Variants in NEDD4L observed in about 807,000 individuals in gnomAD.
The protein encoded by NEDD4L is NEDD4 like E3 ubiquitin protein ligase.
In NEDD4L, 54 loss-of-function variants were observed where a neutral mutation model predicts 148.9. That is an observed-to-expected ratio of 0.36 (90% CI 0.29 to 0.45). The LOEUF (loss-of-function observed/expected upper bound fraction) is 0.45. Among genes scored for constraint, NEDD4L ranks in the 20% least tolerant of loss-of-function variants. The pLI is 1.00. For missense variants in NEDD4L, 856 were observed against 1,233.8 expected, an observed-to-expected ratio of 0.69 and a Z score of 4.59; for synonymous variants, 433 against 440.7, an observed-to-expected ratio of 0.98 and a Z score of 0.22.
intron 2 of NEDD4L, among the ~76,000 whole-genome samples, chr18:58,236,098 T>G (rs1600081083): frequency 6.6e-6 from 1 of 152,226 alleles, no homozygotes; most frequent in Admixed American, 6.5e-5. Flanking sequence ...GGCTCCCGCC[T>G]GTAATCCCAG....
intron 5 of NEDD4L, among the ~76,000 whole-genome samples, chr18:58,287,690 G>A (rs2054136697): frequency 6.6e-6 from 1 of 152,046 alleles, no homozygotes; most frequent in Non-Finnish European, 1.5e-5. Flanking sequence ...GCTTCCTTAT[G>A]TATCGTATTT....
chr18:58,122,096 C>T (rs1474644491), intron 1 of NEDD4L, among the ~76,000 whole-genome samples: 1 of 152,208 alleles, frequency 6.6e-6, no homozygotes, highest in East Asian at 1.9e-4. Flanking sequence ...CTAGTGGTAG[C>T]CCTTTGGCTT....
chr18:58,132,670 G>A (rs191159520), intron 1 of NEDD4L, among the ~76,000 whole-genome samples: 183 of 152,292 alleles, frequency 1.2e-3, no homozygotes, highest in African/African-American at 3.9e-3. Context: ...AAATGGTAGG[G>A]GCTCAAGCCA....
chr18:58,324,061 G>A (rs140442808), intron 8 of NEDD4L, among the ~76,000 whole-genome samples: 17 of 152,258 alleles, frequency 1.1e-4, no homozygotes, highest in African/African-American at 2.4e-4. Context: ...ACACTCCTCC[G>A]CCTGAGAGAT....
At chr18:58,077,541 T>C (rs1300351345) in intron 1 of NEDD4L, among the ~76,000 whole-genome samples, 1 of 152,156 alleles carries the variant, frequency 6.6e-6, no homozygotes, top group East Asian at 1.9e-4. Flanking sequence ...AATATTTGTT[T>C]TGTTTCTGGA....
At chr18:58,148,440 A>G (rs1222233467) in intron 1 of NEDD4L, among the ~76,000 whole-genome samples, 1 of 152,146 alleles carries the variant, frequency 6.6e-6, no homozygotes, top group Non-Finnish European at 1.5e-5. Context: ...TGCTGGGATT[A>G]CAGACGTGAG....
intron 18 of NEDD4L, among the ~76,000 whole-genome samples, chr18:58,355,474 C>A (rs2044484089): frequency 6.6e-6 from 1 of 152,184 alleles, no homozygotes; most frequent in African/African-American, 2.4e-5. Flanking sequence ...CAGGTCTGGT[C>A]TGAGGACTTG....
At chr18:58,271,291 T>A (rs2051006389) in intron 5 of NEDD4L, among the ~76,000 whole-genome samples, 2 of 152,088 alleles carry the variant, frequency 1.3e-5, no homozygotes, top group African/African-American at 4.8e-5. Context: ...GGAAGAACCC[T>A]GAAAAAAAAA....
intron 5 of NEDD4L, among the ~76,000 whole-genome samples, chr18:58,295,335 C>G (rs974092236): frequency 6.6e-6 from 1 of 152,204 alleles, no homozygotes; most frequent in African/African-American, 2.4e-5. Context: ...TCTGCCTCTT[C>G]TGGGATATCA....
chr18:58,232,130 G>A (rs1351928416), intron 2 of NEDD4L, among the ~76,000 whole-genome samples: 5 of 152,176 alleles, frequency 3.3e-5, no homozygotes, highest in East Asian at 1.9e-4. Context: ...GTCATCTAGA[G>A]GCAAAAACTT....
chr18:58,373,247 T>C lies in NEDD4L; in HGVS notation c.2330T>C (p.Ile777Thr). ...ACTGAGCTGGACCTCATGTTCTGCA[T>C]AGACGAAGAAAACTTTGGACAGGTA... ...DPTELDLMFCIDEENFGQTYQ... is the reference protein window; with the variant it reads ...DPTELDLMFCTDEENFGQTYQ... Residue 777 changes from isoleucine to threonine, a missense_variant, in exon 24 of 31, where the codon ATA becomes ACA. Physicochemically the swap from Ile to Thr is moderately conservative, Grantham distance 89. Around this residue, in one of 4 missense-constraint regions of NEDD4L, gnomAD observed 286 missense variants for 531.8 expected, o/e 0.54. Coordinates refer to ENST00000400345, the MANE Select transcript of NEDD4L (RefSeq NM_001144967.3). The C allele has an allele frequency of 6.3e-7, 1 of 1,579,204 alleles. No homozygotes were observed. The highest frequency in any genetic ancestry group is 1.7e-4 in the Middle Eastern group (1 of 6,028).
intron 5 of NEDD4L, among the ~76,000 whole-genome samples, chr18:58,287,639 TA>T (rs1204128982): frequency 6.6e-6 from 1 of 152,244 alleles, no homozygotes; most frequent in African/African-American, 2.4e-5. Flanking sequence ...ATTCCTGCAA[TA>T]TGCGGTCTTA....
intron 16 of NEDD4L, among the ~76,000 whole-genome samples, chr18:58,344,313 G>A (rs985510997): frequency 6.6e-5 from 10 of 152,304 alleles, no homozygotes; most frequent in Admixed American, 2.0e-4. Flanking sequence ...CCTTTGAACC[G>A]TGGGACATTG....
intron 23 of NEDD4L, chr18:58,372,063 G>A (rs2046949782): frequency 6.6e-6 from 1 of 152,150 alleles, no homozygotes; most frequent in African/African-American, 2.4e-5. Flanking sequence ...CAAAGCACAA[G>A]AAAGGGGATA....
At chr18:58,115,146 C>T (rs2085715163) in intron 1 of NEDD4L, among the ~76,000 whole-genome samples, 1 of 152,172 alleles carries the variant, frequency 6.6e-6, no homozygotes, top group African/African-American at 2.4e-5. Flanking sequence ...TATTGTGAAC[C>T]TGGCTCACTG....
chr18:58,157,134 G>A (rs2146429503), intron 1 of NEDD4L, among the ~76,000 whole-genome samples: 1 of 148,028 alleles, frequency 6.8e-6, no homozygotes, highest in Admixed American at 6.8e-5. Context: ...GCTGCAGTGA[G>A]CCTTAATCAC....
intron 24 of NEDD4L, among the ~76,000 whole-genome samples, chr18:58,381,796 C>T (rs567110053): frequency 2.0e-5 from 3 of 152,262 alleles, no homozygotes; most frequent in African/African-American, 4.8e-5. Flanking sequence ...GAACCAGCCA[C>T]GAACTGGCAG....
chr18:58,255,315 TAAA>T (rs10541382), intron 5 of NEDD4L: 401 of 184,890 alleles, frequency 2.2e-3, no homozygotes, highest in East Asian at 3.0e-3. Context: ...TCTTGCTGTT[TAAA>T]AAAAAAAAAA....
intron 1 of NEDD4L, among the ~76,000 whole-genome samples, chr18:58,163,872 A>G (rs2036525091): frequency 6.6e-6 from 1 of 152,020 alleles, no homozygotes; most frequent in Non-Finnish European, 1.5e-5. Flanking sequence ...TGTACCCTCC[A>G]TGTTTTATTT....
Sources: allele counts gnomAD v4.1 joint callset (sites outside exome capture counted in the v4.1 genomes callset), GRCh38; gene constraint gnomAD v4.1.1; regional missense constraint gnomAD v4.1.1; transcripts MANE v1.5; gene names NCBI Gene and HGNC (gene_info 2026-07-23, HGNC 2026-07-21).